The following PUS7L variants were observed in gnomAD, a reference collection of about 807,000 sequenced individuals.
PUS7L encodes the protein pseudouridylate synthase PUS7L.
Under a neutral mutation model 51.1 loss-of-function variants are expected in PUS7L, and 49 were observed. The observed-to-expected ratio is 0.96, with a 90% CI of 0.76 to 1.22. The LOEUF is 1.22. Among genes scored for constraint, PUS7L ranks in the 50% most tolerant of loss-of-function variants. The pLI is 0.00. For synonymous variants in PUS7L, 277 were observed against 276.2 expected (o/e 1.00, Z -0.03); for missense variants, 828 against 820.6 (o/e 1.01, Z -0.11).
chr12:43,748,450 C>T lies in PUS7L; in HGVS notation c.1070G>A (p.Arg357Lys), dbSNP rs1287946515. ...CTAAAATTTCTTAATATCTTATTACCTCTCTGGAGTCACTTTTCTAACAAC... is the reference window on the plus strand; with the variant it reads ...CTAAAATTTCTTAATATCTTATTACTTCTCTGGAGTCACTTTTCTAACAAC... The part of the protein sequence containing the change: ...AMVVRKVTPE[R>K]LKNIEKEIEK... The change falls in exon 3 of 9, where the codon AGG becomes AAG. Residue 357 changes from arginine (R) to lysine (K), a missense_variant and splice_region_variant. By Grantham distance (26) the Arg-to-Lys change is conservative (BLOSUM62 2). Transcript: ENST00000344862. 5 of 1,577,028 alleles carry T rather than the reference C, an allele frequency of 3.2e-6. No individual in the cohort carries two copies. Among genetic ancestry groups the T allele is most frequent in the Non-Finnish European group, 4.3e-6 (5 of 1,169,268 alleles).
chr12:43,749,977 C>A (rs1938364395), intron 2 of PUS7L, among the ~76,000 whole-genome samples: 1 of 152,086 alleles, frequency 6.6e-6, no homozygotes, highest in African/African-American at 2.4e-5. Flanking sequence ...TTCCATCGTA[C>A]CCCAAATCTC....
Position 43,730,472 on chromosome 12 carries a change from A to C in PUS7L, c.2010T>G (p.Ile670Met). 1 of 1,613,858 alleles carries C rather than the reference A, an allele frequency of 6.2e-7. No individual in the cohort carries two copies. Among genetic ancestry groups the C allele is most frequent in the Non-Finnish European group, 8.5e-7 (1 of 1,179,800 alleles). The change falls in exon 9 of 9, where the codon ATT becomes ATG. Residue 670 changes from isoleucine (I) to methionine (M), a missense_variant. Transcript: ENST00000344862. The stretch of plus-strand genomic sequence containing the variant: ...TCAAAAGAGACAAAGCTGTTTCATC[A>C]ATGTGGGAACCTTTCGTTTTGACAT... Reference protein sequence around the residue: ...DIDVKTKGSHIDETALSLLIS... With the variant: ...DIDVKTKGSHMDETALSLLIS...
rs751831105 is a variant in PUS7L, at chr12:43,754,460, A to C, written c.786T>G (p.Phe262Leu). 11 of 1,613,954 alleles carry C rather than the reference A, an allele frequency of 6.8e-6. No homozygotes were observed. The highest frequency in any genetic ancestry group is 9.3e-6 in the Non-Finnish European group (11 of 1,179,834). ...TACCAGCACTGCAATTCATTTTAGA[A>C]AAAGATTTGGTTTCCACAAGGTTTC... is the stretch of plus-strand genomic sequence containing the variant. ...KFGNLVETKS[F>L]SKMNCSAGNP... Residue 262 changes from phenylalanine to leucine, a missense_variant, in exon 2 of 9, where the codon TTT becomes TTG. Coordinates refer to ENST00000344862, the MANE Select transcript of PUS7L (RefSeq NM_031292.5).
In PUS7L at chr12:43,754,695, G is replaced by T. The variant is rs1348801186; in HGVS notation, c.551C>A (p.Pro184Gln). ...SLHSAIRQKF[P>Q]FLVTVGKNSE... is the part of the protein sequence containing the mutation. The stretch of plus-strand genomic sequence containing the variant: ...GTTTTTTCCTACAGTTACTAAAAAT[G>T]GAAATTTCTGCCTAATGGCACTGTG... Residue 184 changes from proline to glutamine, a missense_variant, in exon 2 of 9, where the codon CCA (proline) becomes CAA (glutamine). Pro to Gln is a moderately conservative substitution (Grantham distance 76). Coordinates refer to ENST00000344862, the MANE Select transcript of PUS7L (RefSeq NM_031292.5). 1.4e-5 allele frequency: 23 copies of T among 1,613,696 alleles called. No individual in the cohort carries two copies. Among genetic ancestry groups the T allele is most frequent in the Non-Finnish European group, 1.9e-5 (22 of 1,179,838 alleles).
intron 1 of PUS7L, 73 bp downstream of exon 1, chr12:43,758,657 C>CA: frequency 1.5e-6 from 1 of 653,550 alleles, no homozygotes; most frequent in African/African-American, 4.7e-5. Flanking sequence ...CCTCGTCACC[C>CA]CCCCCCCCCA....
rs1323673387 is a variant in PUS7L, at chr12:43,725,548, C to G, written c.*4828G>C. 1 of 151,648 alleles carries G rather than the reference C, an allele frequency of 6.6e-6. No homozygotes were observed. Among genetic ancestry groups the G allele is most frequent in the East Asian group, 1.9e-4 (1 of 5,158 alleles). 9.4% of individuals were successfully genotyped at this position (151,648 alleles called of 1,614,324 possible). ...CTCCAGCCTCAGCCTCCCAAGTAGCCCAGCTAATTTTTTTATTTTTAGTAG... is the reference window on the plus strand; with the variant it reads ...CTCCAGCCTCAGCCTCCCAAGTAGCGCAGCTAATTTTTTTATTTTTAGTAG... On this transcript the variant is annotated 3_prime_UTR_variant, in exon 9 of 9. Coordinates refer to ENST00000344862, the MANE Select transcript of PUS7L (RefSeq NM_031292.5).
chr12:43,748,567 A>G lies in PUS7L; in HGVS notation c.953T>C (p.Ile318Thr), dbSNP rs1287925994. 3 of 1,607,394 alleles carry G rather than the reference A, an allele frequency of 1.9e-6. No homozygotes were observed. Among genetic ancestry groups the G allele is most frequent in the Non-Finnish European group, 2.5e-6 (3 of 1,178,390 alleles). ...RKENLEMFEA[I>T]GFLAIKLGVI... Reference sequence around the variant, plus strand: ...ACCAAGTTTGATAGCTAAAAAACCAATCGCTTCAAACATTTCCAGGTTTTC... The same window carrying G: ...ACCAAGTTTGATAGCTAAAAAACCAGTCGCTTCAAACATTTCCAGGTTTTC... Residue 318 changes from isoleucine to threonine, a missense_variant, in exon 3 of 9, where the codon ATT (isoleucine) becomes ACT (threonine). Transcript: ENST00000344862.
intron 7 of PUS7L, among the ~76,000 whole-genome samples, chr12:43,732,700 C>T (rs965375063): frequency 1.3e-5 from 2 of 152,228 alleles, no homozygotes; most frequent in East Asian, 1.9e-4. Context: ...ATTCATCACA[C>T]GGTACAGTGT....
chr12:43,731,662 C>G (rs1182967260), intron 8 of PUS7L, 43 bp downstream of exon 8: 6 of 1,150,786 alleles, frequency 5.2e-6, no homozygotes. Context: ...GGGACAATGT[C>G]TACACTTAGA....
chr12:43,742,333 A>G, intron 5 of PUS7L, 124 bp downstream of exon 5: 2 of 657,890 alleles, frequency 3.0e-6, no homozygotes, highest in South Asian at 1.8e-5. Context: ...TCAGTAATGT[A>G]ATATATTTGG....
In PUS7L at chr12:43,719,506, C is replaced by A. The variant is rs1017674300; in HGVS notation, c.*10870G>T. ...GTAAGAAACAGGTGGGGGGACTCTT[C>A]TTTATTTTTTCTAATCTCAGGAAAG... On this transcript the variant is annotated 3_prime_UTR_variant, in exon 9 of 9. Transcript: ENST00000344862. The A allele has an allele frequency of 2.0e-5, 3 of 151,712 alleles. No homozygotes were observed. The East Asian group carries it at 5.8e-4, about 29-fold the overall frequency. 9.4% of individuals were successfully genotyped at this position (151,712 alleles called of 1,614,324 possible). A position where few individuals can be genotyped will look rare whatever the true frequency, so the allele number is the denominator to read the frequency against.
At chr12:43,746,274 T>A (rs1263731114) in intron 3 of PUS7L, 36 bp from the exon 4 acceptor site, 19 of 951,680 alleles carry the variant, frequency 2.0e-5, no homozygotes, top group Non-Finnish European at 2.9e-5. Flanking sequence ...CAGTTAAATT[T>A]TACATTTAAA....
intron 2 of PUS7L, among the ~76,000 whole-genome samples, chr12:43,751,721 T>C (rs1024905143): frequency 1.3e-5 from 2 of 152,096 alleles, no homozygotes; most frequent in Non-Finnish European, 2.9e-5. Context: ...CCAGTAATGG[T>C]ATGGCTGGGT....
chr12:43,755,014 G>A lies in PUS7L; in HGVS notation c.232C>T (p.Leu78=), dbSNP rs776919496. 2 of 1,612,912 alleles carry A rather than the reference G, an allele frequency of 1.2e-6. No individual in the cohort carries two copies. Among genetic ancestry groups the A allele is most frequent in the African/African-American group, 2.7e-5 (2 of 74,808 alleles). ...TGGTTTCTTCCATCTTCTAAGGACAGATTTTGAAGATCTAGTTTTGGTTTT... is the reference window on the plus strand; with the variant it reads ...TGGTTTCTTCCATCTTCTAAGGACAAATTTTGAAGATCTAGTTTTGGTTTT... ...PKKPKLDLQN[L]SLEDGRNQEV... The change falls in exon 2 of 9, where the codon CTG becomes TTG. Residue 78 remains leucine, a synonymous_variant. Coordinates refer to ENST00000344862, the MANE Select transcript of PUS7L (RefSeq NM_031292.5).
intron 5 of PUS7L, among the ~76,000 whole-genome samples, chr12:43,740,333 C>A (rs1014537304): frequency 1.3e-5 from 2 of 152,138 alleles, no homozygotes; most frequent in African/African-American, 4.8e-5. Flanking sequence ...TATTAGGTAT[C>A]TGCCACATGC....
chr12:43,721,125 T>C lies in PUS7L; in HGVS notation c.*9251A>G, dbSNP rs1378248587. ...GATAAATTCAGAGATAAGCAGATAT[T>C]AAATAATCACTAGCTAGGCAAAGTG... On this transcript the variant is annotated 3_prime_UTR_variant, in exon 9 of 9. Transcript: ENST00000344862. 6.6e-6 allele frequency: 1 copy of C among 152,112 alleles called. No individual in the cohort carries two copies. Among genetic ancestry groups the C allele is most frequent in the Non-Finnish European group, 1.5e-5 (1 of 68,016 alleles). The allele number at this position is 152,112 out of a possible 1,614,324, so 9.4% of individuals were successfully genotyped here. A position where few individuals can be genotyped will look rare whatever the true frequency, so the allele number is the denominator to read the frequency against.
chr12:43,744,011 G>A (rs1004345688), intron 4 of PUS7L, among the ~76,000 whole-genome samples: 1 of 152,010 alleles, frequency 6.6e-6, no homozygotes, highest in African/African-American at 2.4e-5. Flanking sequence ...CACATCATAA[G>A]AACTAATGGA....
At chr12:43,734,306 T>C (rs141570903) in intron 7 of PUS7L, among the ~76,000 whole-genome samples, 205 of 150,974 alleles carry the variant, frequency 1.4e-3, no homozygotes, top group African/African-American at 4.8e-3. Context: ...AATAATAATC[T>C]TGCCACCAAA....
chr12:43,744,434 T>C (rs1938066150), intron 4 of PUS7L, among the ~76,000 whole-genome samples: 1 of 152,232 alleles, frequency 6.6e-6, no homozygotes, highest in Admixed American at 6.5e-5. Flanking sequence ...TTTCCCCTGC[T>C]GGCATTCATT....
Sources: allele counts gnomAD v4.1 joint callset (sites outside exome capture counted in the v4.1 genomes callset), GRCh38; gene constraint gnomAD v4.1.1; transcripts MANE v1.5; gene names NCBI Gene and HGNC (gene_info 2026-07-23, HGNC 2026-07-21).